The following PTPRM variants were observed in gnomAD, a reference collection of about 807,000 sequenced individuals.
PTPRM encodes protein tyrosine phosphatase receptor type M.
In PTPRM, 47 loss-of-function variants were observed where a neutral mutation model predicts 186.7. The observed-to-expected ratio is 0.25, with a 90% CI of 0.20 to 0.32. PTPRM has a LOEUF of 0.32. PTPRM is among the 10% of genes least tolerant of loss of function. The pLI is 1.00. For synonymous variants in PTPRM, 668 were observed against 674.9 expected, an observed-to-expected ratio of 0.99 and a Z score of 0.16; for missense variants, 1,494 against 1,865.0, an observed-to-expected ratio of 0.80 and a Z score of 3.66.
intron 7 of PTPRM, among the ~76,000 whole-genome samples, chr18:7,974,483 TA>T (rs1441420767): frequency 1.1e-4 from 17 of 152,232 alleles, no homozygotes; most frequent in African/African-American, 4.1e-4. Flanking sequence ...TAAATGGTTT[TA>T]ATCCGGACGT....
At chr18:7,634,133 A>G (rs1012861869) in intron 1 of PTPRM, among the ~76,000 whole-genome samples, 2 of 152,068 alleles carry the variant, frequency 1.3e-5, no homozygotes, top group African/African-American at 2.4e-5. Context: ...ACACTCAAGC[A>G]TATGTCCTCC....
chr18:7,855,619 T>G (rs1358268498), intron 2 of PTPRM, among the ~76,000 whole-genome samples: 1 of 152,218 alleles, frequency 6.6e-6, no homozygotes, highest in African/African-American at 2.4e-5. Flanking sequence ...CACCTTGCAG[T>G]TTGTGAGAAC....
At chr18:7,613,424 C>T (rs1320000782) in intron 1 of PTPRM, among the ~76,000 whole-genome samples, 1 of 152,114 alleles carries the variant, frequency 6.6e-6, no homozygotes, top group African/African-American at 2.4e-5. Context: ...CCTGTAATCC[C>T]AGCAGTTTGG....
At chr18:7,957,858 A>G (rs1260632850) in intron 7 of PTPRM, among the ~76,000 whole-genome samples, 2 of 152,208 alleles carry the variant, frequency 1.3e-5, no homozygotes, top group East Asian at 1.9e-4. Context: ...TCAGTCCCAA[A>G]GTATTATTCA....
chr18:8,240,777 GGAGA>G (rs747648655), intron 14 of PTPRM, among the ~76,000 whole-genome samples: 4 of 57,360 alleles, frequency 7.0e-5, no homozygotes, highest in East Asian at 7.0e-4. Flanking sequence ...AGAGAGAGAG[GGAGA>G]GAGAGAGAGA....
intron 4 of PTPRM, among the ~76,000 whole-genome samples, chr18:7,923,955 A>G (rs534702498): frequency 6.6e-6 from 1 of 152,340 alleles, no homozygotes; most frequent in Non-Finnish European, 1.5e-5. Flanking sequence ...GCGCAGAGAC[A>G]TTTGTGTTAT....
intron 2 of PTPRM, among the ~76,000 whole-genome samples, chr18:7,805,744 T>C (rs1479971941): frequency 1.3e-5 from 2 of 152,186 alleles, no homozygotes; most frequent in Non-Finnish European, 2.9e-5. Context: ...TTATAAAAGG[T>C]AAATGCTTAG....
At chr18:7,569,694 TC>T (rs1440027867) in intron 1 of PTPRM, among the ~76,000 whole-genome samples, 2 of 152,208 alleles carry the variant, frequency 1.3e-5, no homozygotes, top group Non-Finnish European at 2.9e-5. Context: ...AACCATGGGT[TC>T]CTCATCACCA....
intron 1 of PTPRM, among the ~76,000 whole-genome samples, chr18:7,722,254 A>G (rs2040460587): frequency 6.6e-6 from 1 of 152,188 alleles, no homozygotes; most frequent in South Asian, 2.1e-4. Context: ...CATACAGTGT[A>G]TAGTCTTTTC....
intron 14 of PTPRM, among the ~76,000 whole-genome samples, chr18:8,207,811 A>G (rs2093950977): frequency 6.6e-6 from 1 of 152,184 alleles, no homozygotes; most frequent in African/African-American, 2.4e-5. Flanking sequence ...AGTCCCAAAG[A>G]GAGGGACTGA....
At chr18:8,352,652 G>GTTT (rs142090056) in intron 23 of PTPRM, among the ~76,000 whole-genome samples, 9 of 102,246 alleles carry the variant, frequency 8.8e-5, no homozygotes, top group African/African-American at 2.3e-4. Flanking sequence ...TTTTTGGTTT[G>GTTT]GTTTTTTTTG....
At chr18:8,227,218 G>A (rs1601341389) in intron 14 of PTPRM, among the ~76,000 whole-genome samples, 1 of 152,152 alleles carries the variant, frequency 6.6e-6, no homozygotes, top group African/African-American at 2.4e-5. Flanking sequence ...ATTAGTAGGT[G>A]GATGCCTTCA....
intron 22 of PTPRM, among the ~76,000 whole-genome samples, chr18:8,330,176 A>G (rs1390186796): frequency 6.6e-6 from 1 of 152,194 alleles, no homozygotes; most frequent in African/African-American, 2.4e-5. Flanking sequence ...GACCAAGTGC[A>G]GCCCTAGAAC....
At chr18:7,984,414 A>G (rs2082719003) in intron 7 of PTPRM, among the ~76,000 whole-genome samples, 1 of 151,896 alleles carries the variant, frequency 6.6e-6, no homozygotes, top group African/African-American at 2.4e-5. Context: ...TCTTTCTGCT[A>G]TGATGTAGCT....
chr18:7,989,232 A>G (rs923107607), intron 7 of PTPRM, among the ~76,000 whole-genome samples: 1 of 151,996 alleles, frequency 6.6e-6, no homozygotes, highest in African/African-American at 2.4e-5. Context: ...AGGCAAAGTA[A>G]CAGGAAAAAC....
At chr18:8,122,337 C>A (rs75962095) in intron 13 of PTPRM, 1 of 152,652 alleles carries the variant, frequency 6.6e-6, no homozygotes, top group Admixed American at 6.5e-5. Flanking sequence ...CAAGTATAGA[C>A]GAGTCATCTT....
intron 2 of PTPRM, among the ~76,000 whole-genome samples, chr18:7,785,506 G>A (rs895799119): frequency 6.6e-6 from 1 of 152,146 alleles, no homozygotes; most frequent in Non-Finnish European, 1.5e-5. Context: ...GAGTCTAAGG[G>A]AAGTGTGCGT....
intron 23 of PTPRM, among the ~76,000 whole-genome samples, chr18:8,358,134 C>G (rs1051432514): frequency 1.3e-5 from 2 of 150,336 alleles, no homozygotes; most frequent in Non-Finnish European, 3.0e-5. Flanking sequence ...TAGCTATTCC[C>G]CCCCCCACAC....
At chr18:7,578,617 G>C (rs1342677567) in intron 1 of PTPRM, among the ~76,000 whole-genome samples, 6 of 151,514 alleles carry the variant, frequency 4.0e-5, no homozygotes, top group Admixed American at 3.9e-4. Flanking sequence ...TTACAGGCGT[G>C]AGCCACAGCG....
Sources: allele counts gnomAD v4.1 joint callset (sites outside exome capture counted in the v4.1 genomes callset), GRCh38; gene constraint gnomAD v4.1.1; transcripts MANE v1.5; gene names NCBI Gene and HGNC (gene_info 2026-07-23, HGNC 2026-07-21).